Variants in SEC24A observed in about 807,000 individuals in gnomAD.
SEC24A encodes protein transport protein Sec24A.
SEC24A carries 93 observed loss-of-function variants against 129.4 expected under a neutral mutation model. That is an observed-to-expected ratio of 0.72 (90% CI 0.61 to 0.85). The LOEUF is 0.85. Among genes scored for constraint, SEC24A ranks in the 40% least tolerant of loss-of-function variants. SEC24A has a pLI of 0.00. For synonymous variants in SEC24A, 460 were observed against 467.3 expected, an observed-to-expected ratio of 0.98 and a Z score of 0.20; for missense variants, 1,264 against 1,307.4, an observed-to-expected ratio of 0.97 and a Z score of 0.51.
rs201242599 is a variant in SEC24A at position 134,662,356 on chromosome 5, G to A, written c.565+770G>A. ...TTTTTAGTAGAGACGGGGTTTCACC[G>A]TGTTAGCCAGGATGGTCTCGATCTC... On this transcript the variant is annotated intron_variant, in intron 2 of 22. Coordinates refer to ENST00000398844, the MANE Select transcript of SEC24A (RefSeq NM_021982.3). Among the ~76,000 whole-genome samples, 1,360 of 151,900 alleles carry A rather than the reference G, an allele frequency of 9.0e-3. 6 individuals carry two copies. The highest frequency in any genetic ancestry group is 0.046 in the East Asian group (235 of 5,152).
chr5:134,684,070 C>T (rs1701136399), intron 9 of SEC24A, among the ~76,000 whole-genome samples: 1 of 151,942 alleles, frequency 6.6e-6, no homozygotes, highest in Admixed American at 6.6e-5. Flanking sequence ...TTTGGGATGC[C>T]AAGCCAGACG....
chr5:134,724,956 A>AT (rs755372595), intron 22 of SEC24A, 24 bp from the exon 23 acceptor site: 3 of 1,230,884 alleles, frequency 2.4e-6, no homozygotes, highest in South Asian at 2.5e-5. Context: ...TTTTATCTAA[A>AT]TTTTTTTGCC....
intron 1 of SEC24A, among the ~76,000 whole-genome samples, chr5:134,654,772 A>G (rs908761091): frequency 2.0e-5 from 3 of 152,130 alleles, no homozygotes; most frequent in Non-Finnish European, 4.4e-5. Context: ...GCTAGAGTAC[A>G]GTGGTGCAGT....
Position 134,676,014 on chromosome 5 carries a change from TTGA to T in SEC24A, c.1152-7_1152-5del. On this transcript the variant is annotated splice_region_variant and splice_polypyrimidine_tract_variant and intron_variant, in intron 6 of 22. Transcript: ENST00000398844. ...CAGCAACTGATACATACTTTTTACT[TTGA>T]TATAGGTTATTTCGATGCACGCTGA... 1 of 1,575,600 alleles carries T rather than the reference TTGA, an allele frequency of 6.3e-7. No homozygotes were observed. The highest frequency in any genetic ancestry group is 8.6e-7 in the Non-Finnish European group (1 of 1,164,338).
intron 13 of SEC24A, 67 bp from the exon 14 acceptor site, chr5:134,697,059 G>A (rs1751847916): frequency 4.5e-6 from 4 of 892,454 alleles, no homozygotes; most frequent in Non-Finnish European, 6.9e-6. Context: ...GTATGTAGAT[G>A]TGTATTTAGA....
At chr5:134,715,606 A>T (rs1425794261) in intron 19 of SEC24A, 1 of 160,516 alleles carries the variant, frequency 6.2e-6, no homozygotes, top group African/African-American at 2.4e-5. Context: ...CGAACACTGC[A>T]TGTTCTCACT....
intron 12 of SEC24A, chr5:134,693,520 G>A (rs989648303): frequency 7.0e-7 from 1 of 1,422,922 alleles, no homozygotes; most frequent in Non-Finnish European, 9.1e-7. Context: ...AGAACTGTAA[G>A]GCCCAACTTT....
At chr5:134,693,174 T>G in intron 12 of SEC24A, 1 of 1,533,850 alleles carries the variant, frequency 6.5e-7, no homozygotes, top group Non-Finnish European at 8.7e-7. Context: ...AGGGGTAACA[T>G]TTTAACTAGC....
chr5:134,700,668 T>C (rs1401996926), intron 15 of SEC24A, among the ~76,000 whole-genome samples: 4 of 151,768 alleles, frequency 2.6e-5, no homozygotes, highest in Non-Finnish European at 4.4e-5. Context: ...TATCCTTCAC[T>C]ATAATTAGAA....
At chr5:134,692,434 TGTG>T (rs771806003) in intron 11 of SEC24A, among the ~76,000 whole-genome samples, 165 bp from the exon 12 acceptor site, 19 of 152,146 alleles carry the variant, frequency 1.2e-4, no homozygotes, top group Non-Finnish European at 1.8e-4. Flanking sequence ...CCTGTATCAT[TGTG>T]GTGGTTTTTT....
chr5:134,721,915 A>G (rs934746799), intron 21 of SEC24A, among the ~76,000 whole-genome samples: 8 of 152,192 alleles, frequency 5.3e-5, no homozygotes, highest in Admixed American at 4.6e-4. Flanking sequence ...GATTATAGCT[A>G]GGATAAGCAC....
chr5:134,725,859 A>G lies in SEC24A; in HGVS notation c.*765A>G, dbSNP rs1483219731. On this transcript the variant is annotated 3_prime_UTR_variant, in exon 23 of 23. Coordinates refer to ENST00000398844, the MANE Select transcript of SEC24A (RefSeq NM_021982.3). Reference sequence around the variant, plus strand: ...GTCTTCATAAACACTGGGACTAGCAATGATAATAGGGAGATAAGAAACTTT... The same window carrying G: ...GTCTTCATAAACACTGGGACTAGCAGTGATAATAGGGAGATAAGAAACTTT... 1.3e-5 allele frequency: 2 copies of G among 152,574 alleles called. No homozygotes were observed. Among genetic ancestry groups the G allele is most frequent in the South Asian group, 2.1e-4 (1 of 4,830 alleles). 9.5% of individuals were successfully genotyped at this position (152,574 alleles called of 1,614,324 possible).
At chr5:134,658,774 T>C (rs1041919007) in intron 1 of SEC24A, among the ~76,000 whole-genome samples, 1 of 152,058 alleles carries the variant, frequency 6.6e-6, no homozygotes, top group African/African-American at 2.4e-5. Context: ...AGACGACTTA[T>C]AGGAAGGATA....
chr5:134,699,945 C>A (rs1376638574), intron 15 of SEC24A, among the ~76,000 whole-genome samples: 1 of 151,854 alleles, frequency 6.6e-6, no homozygotes, highest in East Asian at 1.9e-4. Context: ...AGGTGATCCG[C>A]CTACCTTGGC....
rs1449607908 is a variant in SEC24A, at chr5:134,708,968, G to A, written c.2727+80G>A. Reference sequence around the variant, plus strand: ...CACCTGCAATCCCAGCACTTTGGGTGGCTGACGTGGGTGGATTGCTTGAGT... The same window carrying A: ...CACCTGCAATCCCAGCACTTTGGGTAGCTGACGTGGGTGGATTGCTTGAGT... On this transcript the variant is annotated intron_variant, in intron 18 of 22. Coordinates refer to ENST00000398844, the MANE Select transcript of SEC24A (RefSeq NM_021982.3). 20 of 1,362,544 alleles carry A rather than the reference G, an allele frequency of 1.5e-5. No individual in the cohort carries two copies. In the East Asian group the frequency reaches 3.9e-4, roughly 27 times the overall value. 84.4% of individuals were successfully genotyped at this position (1,362,544 alleles called of 1,614,324 possible). A position where few individuals can be genotyped will look rare whatever the true frequency, so the allele number is the denominator to read the frequency against.
intron 1 of SEC24A, among the ~76,000 whole-genome samples, chr5:134,656,730 T>G (rs1750259559): frequency 6.6e-6 from 1 of 151,302 alleles, no homozygotes; most frequent in Admixed American, 6.6e-5. Flanking sequence ...TCCACCCACC[T>G]CGGCCTCCCA....
chr5:134,660,601 G>T (rs1274303258), intron 1 of SEC24A, among the ~76,000 whole-genome samples: 7 of 149,354 alleles, frequency 4.7e-5, no homozygotes, highest in Non-Finnish European at 7.4e-5. Context: ...TGTCACCCAG[G>T]CTGGAGTGCA....
chr5:134,648,786 C>G lies in SEC24A; in HGVS notation c.-291C>G. 1 of 257,320 alleles carries G rather than the reference C, an allele frequency of 3.9e-6. No homozygotes were observed. Among genetic ancestry groups the G allele is most frequent in the Non-Finnish European group, 7.4e-6 (1 of 134,412 alleles). The allele number at this position is 257,320 out of a possible 1,614,324, so 15.9% of individuals were successfully genotyped here. On this transcript the variant is annotated 5_prime_UTR_variant, in exon 1 of 23. Coordinates refer to ENST00000398844, the MANE Select transcript of SEC24A (RefSeq NM_021982.3). ...CTGCGCGGCCGGCGGCTGACAGGCA[C>G]TTCCGGCCAGGGCCTCCCTCCTTCT... is the stretch of plus-strand genomic sequence containing the variant.
Position 134,713,516 on chromosome 5 carries a change from A to AT in SEC24A, c.2728-1501dup, listed in dbSNP as rs1213414477. On this transcript the variant is annotated intron_variant, in intron 18 of 22. Coordinates refer to ENST00000398844, the MANE Select transcript of SEC24A (RefSeq NM_021982.3). ...ACAAGGATTTTTATCTTTTTCATTC[A>AT]TTTTTTTGTCCTAGCAGTTAGAACA... Among the ~76,000 whole-genome samples the AT allele has an allele frequency of 8.5e-5, 13 of 152,110 alleles. No individual in the cohort carries two copies. In the East Asian group the frequency reaches 1.5e-3, roughly 18 times the overall value.
Sources: gnomAD v4.1 joint callset for allele counts (sites outside exome capture counted in the v4.1 genomes callset) on GRCh38, gnomAD v4.1.1 for gene constraint, MANE v1.5 for transcripts, NCBI Gene and HGNC (gene_info 2026-07-23, HGNC 2026-07-21) for gene names.